Variants in CSMD1 observed in about 807,000 individuals in gnomAD.
CSMD1 encodes the protein CUB and sushi domain-containing protein 1.
Under a neutral mutation model 417.5 loss-of-function variants are expected in CSMD1, and 213 were observed. The observed-to-expected ratio is 0.51, with a 90% CI of 0.46 to 0.57. The LOEUF (loss-of-function observed/expected upper bound fraction) is 0.57, where lower values mean the gene tolerates loss of function less well. Among genes scored for constraint, CSMD1 ranks in the 20% least tolerant of loss-of-function variants. The probability of loss-of-function intolerance (pLI) is 0.00; values close to 1 mark genes in which losing one functional copy is unlikely to be tolerated. For missense variants in CSMD1, 6,923 were observed against 4,529.7 expected (o/e 1.53, Z -15.17); for synonymous variants, 2,862 against 1,736.8 (o/e 1.65, Z -16.11).
At chr8:4,276,329 A>G (rs772762332) in intron 3 of CSMD1, among the ~76,000 whole-genome samples, 6 of 152,204 alleles carry the variant, frequency 3.9e-5, no homozygotes, top group Non-Finnish European at 5.9e-5. Context: ...TTGCAGGGAC[A>G]TGGATGAAAC....
At chr8:3,482,427 G>C (rs1307541210) in intron 11 of CSMD1, among the ~76,000 whole-genome samples, 2 of 152,224 alleles carry the variant, frequency 1.3e-5, no homozygotes, top group East Asian at 1.9e-4. Flanking sequence ...GAGACAAAGA[G>C]GGACACCACA....
At chr8:3,079,338 C>T (rs1463211894) in intron 49 of CSMD1, among the ~76,000 whole-genome samples, 1 of 152,160 alleles carries the variant, frequency 6.6e-6, no homozygotes, top group Non-Finnish European at 1.5e-5. Context: ...GAGACACAAG[C>T]ATACTCACAC....
At chr8:3,753,623 C>T (rs546488553) in intron 6 of CSMD1, among the ~76,000 whole-genome samples, 20 of 152,094 alleles carry the variant, frequency 1.3e-4, no homozygotes, top group Non-Finnish European at 2.5e-4. Flanking sequence ...AGCCAAACTG[C>T]TGTGGATATT....
At chr8:3,286,843 C>G (rs186392427) in intron 25 of CSMD1, among the ~76,000 whole-genome samples, 30 of 152,218 alleles carry the variant, frequency 2.0e-4, no homozygotes, top group Admixed American at 1.7e-3. Flanking sequence ...TCCCATTTGT[C>G]AATTTTGGCT....
chr8:4,228,570 A>G (rs1801509155), intron 3 of CSMD1, among the ~76,000 whole-genome samples: 1 of 144,454 alleles, frequency 6.9e-6, no homozygotes, highest in African/African-American at 2.5e-5. Context: ...ATCCTTGGCA[A>G]TTCTCTTCTC....
intron 2 of CSMD1, among the ~76,000 whole-genome samples, chr8:4,433,483 G>A (rs1350135817): frequency 1.1e-4 from 16 of 152,256 alleles, no homozygotes; most frequent in Admixed American, 9.8e-4. Flanking sequence ...ATCTGCAAGC[G>A]CGGCCAAGTG....
chr8:4,032,523 A>G lies in CSMD1; in HGVS notation c.416-424T>C, dbSNP rs146134638. Reference sequence around the variant, plus strand: ...CTGCAAGAGTGAATACTCATACCCTATTTATTTTTATGCTTCCACGACTGG... The same window carrying G: ...CTGCAAGAGTGAATACTCATACCCTGTTTATTTTTATGCTTCCACGACTGG... On this transcript the variant is annotated intron_variant, in intron 3 of 69. Coordinates refer to ENST00000635120, the MANE Select transcript of CSMD1 (RefSeq NM_033225.6). 1.4e-3 allele frequency among the ~76,000 whole-genome samples: 218 copies of G among 152,286 alleles called. 1 individual carries two copies. Among genetic ancestry groups the G allele is most frequent in the African/African-American group, 5.0e-3 (209 of 41,560 alleles).
intron 5 of CSMD1, among the ~76,000 whole-genome samples, chr8:3,950,472 C>T (rs545033435): frequency 2.0e-4 from 31 of 152,286 alleles, no homozygotes; most frequent in Admixed American, 1.9e-3. Flanking sequence ...GCTGCTAATG[C>T]ACAAACATAA....
chr8:4,190,572 G>T (rs1023637855), intron 3 of CSMD1, among the ~76,000 whole-genome samples: 2 of 149,924 alleles, frequency 1.3e-5, no homozygotes, highest in Admixed American at 1.3e-4. Context: ...AAGAGACTCT[G>T]ATGATCTATT....
intron 2 of CSMD1, among the ~76,000 whole-genome samples, chr8:4,632,315 C>G (rs1802567691): frequency 1.3e-5 from 2 of 152,134 alleles, no homozygotes; most frequent in African/African-American, 2.4e-5. Flanking sequence ...GAGTTCTAGA[C>G]CAGCCTGGCC....
intron 2 of CSMD1, among the ~76,000 whole-genome samples, chr8:4,450,099 T>G (rs1253031404): frequency 6.6e-6 from 1 of 152,192 alleles, no homozygotes; most frequent in African/African-American, 2.4e-5. Context: ...TCTGCTCAAT[T>G]TATCCTGTAC....
At chr8:4,480,647 A>G (rs1258936261) in intron 2 of CSMD1, among the ~76,000 whole-genome samples, 2 of 152,252 alleles carry the variant, frequency 1.3e-5, no homozygotes, top group African/African-American at 4.8e-5. Flanking sequence ...TCTCTAAAAT[A>G]GGCTTGCATT....
chr8:4,942,457 G>T (rs550736478), intron 1 of CSMD1, among the ~76,000 whole-genome samples: 1 of 152,222 alleles, frequency 6.6e-6, no homozygotes, highest in South Asian at 2.1e-4. Flanking sequence ...TCATGACAAA[G>T]ACAGTTTTCA....
chr8:2,991,557 T>C (rs917476100), intron 54 of CSMD1, among the ~76,000 whole-genome samples: 11 of 152,370 alleles, frequency 7.2e-5, no homozygotes, highest in African/African-American at 2.4e-4. Context: ...TTGAATTTTT[T>C]TAACAACAGA....
chr8:4,563,875 G>T (rs1368518038), intron 2 of CSMD1, among the ~76,000 whole-genome samples: 1 of 152,106 alleles, frequency 6.6e-6, no homozygotes, highest in African/African-American at 2.4e-5. Flanking sequence ...GAGTTGCGAA[G>T]TAACAAAAGA....
At chr8:4,666,688 A>AT (rs1235440514) in intron 1 of CSMD1, among the ~76,000 whole-genome samples, 1 of 152,188 alleles carries the variant, frequency 6.6e-6, no homozygotes, top group African/African-American at 2.4e-5. Flanking sequence ...GTGTCCAAAT[A>AT]TTTTTTATTT....
rs984985694 is a variant in CSMD1, at chr8:4,144,616, G to C, written c.416-112517C>G. ...TCATAAAAGAGGTGAAGACAAGCTT[G>C]TTCTTGTTTGTCTGGAGCTTCTTTT... On this transcript the variant is annotated intron_variant, in intron 3 of 69. Coordinates refer to ENST00000635120, the MANE Select transcript of CSMD1 (RefSeq NM_033225.6). 5.3e-5 allele frequency among the ~76,000 whole-genome samples: 8 copies of C among 150,988 alleles called. 1 individual carries two copies. Among genetic ancestry groups the C allele is most frequent in the African/African-American group, 1.7e-4 (7 of 40,344 alleles).
rs923477066 is a variant in CSMD1, at chr8:4,024,021, T to A, written c.610+7884A>T. ...CTGACATATTTGACACTGCAAAGGT[T>A]CTATTGCAATTGAGAGAACATAGAG... On this transcript the variant is annotated intron_variant, in intron 4 of 69. Coordinates refer to ENST00000635120, the MANE Select transcript of CSMD1 (RefSeq NM_033225.6). Among the ~76,000 whole-genome samples, 4 of 152,118 alleles carry A rather than the reference T, an allele frequency of 2.6e-5. No homozygotes were observed. In the East Asian group the frequency reaches 7.7e-4, roughly 29 times the overall value.
chr8:4,365,813 T>G (rs1005222289), intron 3 of CSMD1, among the ~76,000 whole-genome samples: 1 of 152,246 alleles, frequency 6.6e-6, no homozygotes, highest in Non-Finnish European at 1.5e-5. Flanking sequence ...CCAGAGGTTT[T>G]GATCTTTTGA....
Sources: allele counts gnomAD v4.1 joint callset (sites outside exome capture counted in the v4.1 genomes callset), GRCh38; gene constraint gnomAD v4.1.1; transcripts MANE v1.5; gene names NCBI Gene and HGNC (gene_info 2026-07-23, HGNC 2026-07-21).